IQSEC1: variants seen among roughly 807,000 people sequenced by gnomAD.
IQSEC1 encodes IQ motif and SEC7 domain-containing protein 1.
A neutral mutation model predicts 91.0 loss-of-function variants in IQSEC1; 31 were observed. That is an observed-to-expected ratio of 0.34 (90% confidence interval 0.26 to 0.46). The LOEUF (loss-of-function observed/expected upper bound fraction) is 0.46. Ranked by LOEUF, IQSEC1 falls within the 20% of genes least tolerant of loss-of-function variation. The probability of loss-of-function intolerance (pLI) is 1.00; values close to 1 mark genes in which losing one functional copy is unlikely to be tolerated. For synonymous variants in IQSEC1, 699 were observed against 662.6 expected, an observed-to-expected ratio of 1.05 and a Z score of -0.84; for missense variants, 1,388 against 1,575.6, an observed-to-expected ratio of 0.88 and a Z score of 2.02.
intron 2 of IQSEC1, among the ~76,000 whole-genome samples, chr3:13,157,487 A>G (rs761424901): frequency 6.6e-6 from 1 of 152,232 alleles, no homozygotes; most frequent in Non-Finnish European, 1.5e-5. Context: ...CACAATTCAT[A>G]GGCCACACAG....
At position 13,013,370 on chromosome 3, in the gene IQSEC1, G is replaced by A. The variant is rs1424260310; in HGVS notation, c.23+59622C>T. 3.9e-5 allele frequency among the ~76,000 whole-genome samples: 6 copies of A among 152,286 alleles called. No homozygotes were observed. The East Asian group carries it at 1.2e-3, about 29-fold the overall frequency. On this transcript the variant is annotated intron_variant, in intron 1 of 13. Coordinates refer to ENST00000613206, the MANE Select transcript of IQSEC1 (RefSeq NM_001134382.3). ...CCCAGAAGCCACTGGAGTTACACTG[G>A]TTGGGATTTTTGGGCATTGGTTTGC...
Position 13,072,006 on chromosome 3 carries a change from G to T in IQSEC1, c.23+986C>A, listed in dbSNP as rs545813255. ...CAGGGGTTCCACAGGCCCCTGCCAT[G>T]GTAAGGGGCCTCCATCGATTAGGGA... On this transcript the variant is annotated intron_variant, in intron 1 of 13. Transcript: ENST00000613206. Among the ~76,000 whole-genome samples, 60 of 152,386 alleles carry T rather than the reference G, an allele frequency of 3.9e-4. 2 individuals are homozygous for T. The South Asian group carries it at 8.9e-3, about 23-fold the overall frequency.
chr3:13,052,024 C>CAGTA (rs779284483), intron 1 of IQSEC1, among the ~76,000 whole-genome samples: 15 of 152,218 alleles, frequency 9.9e-5, no homozygotes, highest in Non-Finnish European at 1.5e-4. Context: ...TGCACACCTG[C>CAGTA]AGTACACCAT....
At chr3:13,177,356 T>C (rs1693751213) in intron 1 of IQSEC1, among the ~76,000 whole-genome samples, 1 of 152,116 alleles carries the variant, frequency 6.6e-6, no homozygotes, top group Non-Finnish European at 1.5e-5. Flanking sequence ...CCCATCCCCA[T>C]GCTGGGTAGA....
intron 1 of IQSEC1, among the ~76,000 whole-genome samples, chr3:13,185,464 G>C (rs1693914746): frequency 6.6e-6 from 1 of 152,210 alleles, no homozygotes; most frequent in South Asian, 2.1e-4. Context: ...GTTCTCCACA[G>C]GGTCCTGTGC....
At chr3:13,195,922 T>C (rs945972018) in intron 1 of IQSEC1, among the ~76,000 whole-genome samples, 1 of 152,220 alleles carries the variant, frequency 6.6e-6, no homozygotes, top group African/African-American at 2.4e-5. Flanking sequence ...AATGTTACCA[T>C]TGGAGGAAAC....
At chr3:12,903,038 T>C (rs757075356) in intron 12 of IQSEC1, among the ~76,000 whole-genome samples, 8 of 151,728 alleles carry the variant, frequency 5.3e-5, no homozygotes, top group Non-Finnish European at 1.2e-4. Flanking sequence ...AAAAATAAAG[T>C]TTTCGAAAAG....
At chr3:13,064,438 T>C (rs1346257849) in intron 1 of IQSEC1, among the ~76,000 whole-genome samples, 1 of 151,930 alleles carries the variant, frequency 6.6e-6, no homozygotes, top group Non-Finnish European at 1.5e-5. Flanking sequence ...AAGAGGAAAA[T>C]AATTTAGAAT....
intron 1 of IQSEC1, among the ~76,000 whole-genome samples, chr3:13,258,951 C>T (rs1176801769): frequency 6.6e-6 from 1 of 152,198 alleles, no homozygotes; most frequent in African/African-American, 2.4e-5. Flanking sequence ...AGTCTGGGCT[C>T]TGCCACCTCC....
rs185042504 is a variant in IQSEC1 at position 13,269,219 on chromosome 3, T to C, written c.272+13492A>G. ...GGAACTCAGGCCAACACTCCTGCCC[T>C]CAGGGCAGGACGACAGCCAGGCAGG... On this transcript the variant is annotated intron_variant, in intron 1 of 15. Coordinates refer to the IQSEC1 transcript ENST00000648114. Among the ~76,000 whole-genome samples, 588 of 152,268 alleles carry C rather than the reference T, an allele frequency of 3.9e-3. 13 individuals are homozygous for C. The highest frequency in any genetic ancestry group is 0.028 in the Admixed American group (430 of 15,304).
At chr3:13,246,708 A>T (rs1695114028) in intron 1 of IQSEC1, among the ~76,000 whole-genome samples, 1 of 152,048 alleles carries the variant, frequency 6.6e-6, no homozygotes, top group Non-Finnish European at 1.5e-5. Context: ...TAACTGGTAA[A>T]CAGCTTGTTC....
intron 1 of IQSEC1, 96 bp from the exon 2 acceptor site, chr3:12,941,961 GCCCC>G: frequency 8.6e-7 from 1 of 1,166,156 alleles, no homozygotes; most frequent in Non-Finnish European, 1.2e-6. Flanking sequence ...TCCTGGAGGA[GCCCC>G]CATGCCCGTT....
At chr3:13,179,658 T>C (rs1693799453) in intron 1 of IQSEC1, among the ~76,000 whole-genome samples, 1 of 152,260 alleles carries the variant, frequency 6.6e-6, no homozygotes, top group Admixed American at 6.5e-5. Flanking sequence ...TTGGTGGCAC[T>C]TGAGGAGCCC....
At chr3:12,934,201 C>G (rs1363986489) in intron 3 of IQSEC1, among the ~76,000 whole-genome samples, 1 of 152,234 alleles carries the variant, frequency 6.6e-6, no homozygotes, top group African/African-American at 2.4e-5. Context: ...ACAGGCAGAT[C>G]ACAGGCTCAG....
intron 1 of IQSEC1, among the ~76,000 whole-genome samples, chr3:13,029,633 C>T (rs970590794): frequency 5.3e-5 from 8 of 152,214 alleles, no homozygotes; most frequent in South Asian, 4.1e-4. Flanking sequence ...TGGGTCTTGC[C>T]GTCCAGGTCA....
intron 1 of IQSEC1, chr3:12,995,071 C>A (rs1702174585): frequency 6.6e-6 from 1 of 152,272 alleles, no homozygotes. Context: ...GGCCTCTCTC[C>A]CGCAGCCGGA....
intron 1 of IQSEC1, among the ~76,000 whole-genome samples, chr3:13,242,177 A>T (rs1470983723): frequency 1.3e-5 from 2 of 152,104 alleles, no homozygotes; most frequent in Non-Finnish European, 2.9e-5. Flanking sequence ...CAACCAAGAA[A>T]TGCTGGAGGA....
At chr3:13,043,215 G>A (rs1247767478) in intron 1 of IQSEC1, among the ~76,000 whole-genome samples, 1 of 152,214 alleles carries the variant, frequency 6.6e-6, no homozygotes, top group Non-Finnish European at 1.5e-5. Flanking sequence ...TGGGCAGAGG[G>A]ACCCCAGGCA....
At chr3:13,130,341 C>CA (rs58162524) in intron 2 of IQSEC1, among the ~76,000 whole-genome samples, 8,092 of 61,178 alleles carry the variant, frequency 0.13, 780 homozygotes, top group African/African-American at 0.27. Context: ...GAGACTCTGT[C>CA]AAAAAAAAAA....
Sources: allele counts gnomAD v4.1 joint callset (sites outside exome capture counted in the v4.1 genomes callset), GRCh38; gene constraint gnomAD v4.1.1; transcripts MANE v1.5; gene names NCBI Gene and HGNC (gene_info 2026-07-23, HGNC 2026-07-21).